Variants in TBC1D12 observed in about 807,000 individuals in gnomAD.
TBC1D12 encodes the protein TBC1 domain family, member 12.
In TBC1D12, 56 loss-of-function variants were observed where a neutral mutation model predicts 86.7. The observed-to-expected ratio is 0.65, with a 90% CI of 0.52 to 0.81. The LOEUF (loss-of-function observed/expected upper bound fraction) is 0.81, where lower values mean the gene tolerates loss of function less well. Among genes scored for constraint, TBC1D12 ranks in the 30% least tolerant of loss-of-function variants. The pLI, the probability that TBC1D12 is intolerant of heterozygous loss-of-function variation, is 0.00. For missense variants in TBC1D12, 1,023 were observed against 1,038.8 expected, an observed-to-expected ratio of 0.98 and a Z score of 0.21; for synonymous variants, 421 against 411.7, an observed-to-expected ratio of 1.02 and a Z score of -0.27.
chr10:94,416,408 A>G (rs1226094915), intron 1 of TBC1D12, among the ~76,000 whole-genome samples: 1 of 152,198 alleles, frequency 6.6e-6, no homozygotes, highest in Admixed American at 6.5e-5. Flanking sequence ...TTCTATGTTG[A>G]AGTACAGTGT....
At chr10:94,464,881 ATCTC>A (rs1293741915) in intron 2 of TBC1D12, among the ~76,000 whole-genome samples, 3 of 152,212 alleles carry the variant, frequency 2.0e-5, no homozygotes, top group African/African-American at 7.2e-5. Context: ...ATTTTTGCAG[ATCTC>A]TTTAATGTAT....
chr10:94,427,390 A>G (rs769390741), intron 1 of TBC1D12, among the ~76,000 whole-genome samples: 3 of 152,222 alleles, frequency 2.0e-5, no homozygotes, highest in Non-Finnish European at 4.4e-5. Flanking sequence ...AGATACTACC[A>G]TTGGTCCTAA....
rs1322508213 is a variant in TBC1D12, at chr10:94,514,209, C to G, written c.1761+2555C>G. On this transcript the variant is annotated intron_variant, in intron 9 of 12. Coordinates refer to ENST00000225235, the MANE Select transcript of TBC1D12 (RefSeq NM_015188.2). The stretch of plus-strand genomic sequence containing the variant: ...TGAGCAACACAGTGAGACCTCATCT[C>G]TGCAAATAATAAAAAATTAGCCAGG... Among the ~76,000 whole-genome samples the G allele has an allele frequency of 1.3e-4, 20 of 152,022 alleles. 1 individual carries two copies. The highest frequency in any genetic ancestry group is 1.3e-3 in the Admixed American group (20 of 15,270).
intron 2 of TBC1D12, among the ~76,000 whole-genome samples, chr10:94,466,768 A>G (rs1156339269): frequency 6.6e-6 from 1 of 152,210 alleles, no homozygotes; most frequent in African/African-American, 2.4e-5. Context: ...TGACTTTGGT[A>G]GATTACTATT....
intron 9 of TBC1D12, among the ~76,000 whole-genome samples, chr10:94,521,081 C>T (rs929078101): frequency 6.6e-6 from 1 of 151,390 alleles, no homozygotes. Flanking sequence ...CGTGGTGGTA[C>T]ACACCCATAG....
chr10:94,423,854 G>A (rs1250542332), intron 1 of TBC1D12, among the ~76,000 whole-genome samples: 1 of 152,102 alleles, frequency 6.6e-6, no homozygotes, highest in Non-Finnish European at 1.5e-5. Flanking sequence ...GTGGGAGTAG[G>A]TTGTAGGCAT....
In TBC1D12 at chr10:94,403,374, A is replaced by G; in HGVS notation, c.761A>G (p.Glu254Gly). The G allele has an allele frequency of 6.5e-7, 1 of 1,532,756 alleles. No homozygotes were observed. Among genetic ancestry groups the G allele is most frequent in the Non-Finnish European group, 8.8e-7 (1 of 1,140,354 alleles). 94.9% of individuals were successfully genotyped at this position (1,532,756 alleles called of 1,614,324 possible). ...EEGAPPATSAERTNGGAEPRL... is the reference protein window; with the variant it reads ...EEGAPPATSAGRTNGGAEPRL... ...GGCGCGCCCCCTGCCACCTCGGCCG[A>G]GAGGACTAATGGGGGTGCGGAGCCG... The change falls in exon 1 of 13, where the codon GAG becomes GGG. Residue 254 changes from glutamate (E) to glycine (G), a missense_variant. Around this residue, in one of 2 missense-constraint regions of TBC1D12, gnomAD observed 628 missense variants for 531.1 expected, o/e 1.18. Coordinates refer to ENST00000225235, the MANE Select transcript of TBC1D12 (RefSeq NM_015188.2).
intron 2 of TBC1D12, among the ~76,000 whole-genome samples, chr10:94,455,937 C>T (rs2055620541): frequency 6.6e-6 from 1 of 151,538 alleles, no homozygotes; most frequent in Non-Finnish European, 1.5e-5. Context: ...GAGCTTAAGA[C>T]TCCATCTCAA....
intron 1 of TBC1D12, among the ~76,000 whole-genome samples, chr10:94,435,685 C>T (rs965922445): frequency 6.6e-6 from 1 of 152,142 alleles, no homozygotes; most frequent in Non-Finnish European, 1.5e-5. Flanking sequence ...GAACTCATTA[C>T]TTTTTATGCT....
At chr10:94,474,831 AAATTT>A in intron 3 of TBC1D12, 48 bp downstream of exon 3, 1 of 1,505,620 alleles carries the variant, frequency 6.6e-7, no homozygotes, top group Non-Finnish European at 9.1e-7. Context: ...TTTTAAAGTT[AAATTT>A]AATTTTGTTC....
chr10:94,502,555 A>C (rs759379100), intron 6 of TBC1D12, among the ~76,000 whole-genome samples: 1 of 151,754 alleles, frequency 6.6e-6, no homozygotes, highest in Non-Finnish European at 1.5e-5. Flanking sequence ...AAAAATCTCA[A>C]AATTAGCCAG....
rs914404605 is a variant in TBC1D12, at chr10:94,535,175, A to G, written c.*2079A>G. The G allele has an allele frequency of 2.6e-5, 4 of 152,192 alleles. No individual in the cohort carries two copies. The highest frequency in any genetic ancestry group is 3.9e-4 in the East Asian group (2 of 5,192). 9.4% of individuals were successfully genotyped at this position (152,192 alleles called of 1,614,324 possible). A position where few individuals can be genotyped will look rare whatever the true frequency, so the allele number is the denominator to read the frequency against. ...TTCGGAACTGCTACTAGAGACATACATGAGGCAGCGAACACATCTTTAGGT... is the reference window on the plus strand; with the variant it reads ...TTCGGAACTGCTACTAGAGACATACGTGAGGCAGCGAACACATCTTTAGGT... On this transcript the variant is annotated 3_prime_UTR_variant, in exon 13 of 13. Coordinates refer to ENST00000225235, the MANE Select transcript of TBC1D12 (RefSeq NM_015188.2).
intron 1 of TBC1D12, among the ~76,000 whole-genome samples, chr10:94,428,230 T>C (rs1435440837): frequency 1.3e-5 from 2 of 151,974 alleles, no homozygotes; most frequent in African/African-American, 4.8e-5. Flanking sequence ...GTTGGTGTAT[T>C]GAATCCTAGG....
Position 94,535,973 on chromosome 10 carries a change from A to G in TBC1D12, c.*2877A>G, listed in dbSNP as rs572343903. On this transcript the variant is annotated 3_prime_UTR_variant, in exon 13 of 13. Transcript: ENST00000225235. ...TCATTACTTTGGGGATATCTGTTTTATTTAACTGCATCTCAAGGAAACAAA... is the reference window on the plus strand; with the variant it reads ...TCATTACTTTGGGGATATCTGTTTTGTTTAACTGCATCTCAAGGAAACAAA... 3 of 152,220 alleles carry G rather than the reference A, an allele frequency of 2.0e-5. No homozygotes were observed. In the South Asian group the frequency reaches 6.2e-4, roughly 32 times the overall value. The allele number at this position is 152,220 out of a possible 1,614,324, so 9.4% of individuals were successfully genotyped here.
chr10:94,459,024 T>G (rs2055677006), intron 2 of TBC1D12, among the ~76,000 whole-genome samples: 1 of 152,164 alleles, frequency 6.6e-6, no homozygotes, highest in Admixed American at 6.5e-5. Context: ...CTGCTTTTAT[T>G]TCTTTATCTG....
At chr10:94,517,704 A>G (rs1318677947) in intron 9 of TBC1D12, among the ~76,000 whole-genome samples, 2 of 152,144 alleles carry the variant, frequency 1.3e-5, no homozygotes, top group African/African-American at 2.4e-5. Flanking sequence ...ATATTGGAAT[A>G]CCTATTTCAT....
In TBC1D12 at chr10:94,517,734, C is replaced by T. The variant is rs1216374842; in HGVS notation, c.1762-4221C>T. Among the ~76,000 whole-genome samples the T allele has an allele frequency of 9.2e-5, 14 of 152,220 alleles. No homozygotes were observed. In the South Asian group the frequency reaches 2.3e-3, roughly 25 times the overall value. ...TTTCATGTCATGATTTGACAAAATA[C>T]GTTTTTAACTATGTTAATGAATAAC... On this transcript the variant is annotated intron_variant, in intron 9 of 12. Transcript: ENST00000225235.
intron 6 of TBC1D12, 89 bp from the exon 7 acceptor site, chr10:94,507,178 C>A: frequency 1.6e-6 from 2 of 1,278,156 alleles, no homozygotes; most frequent in Non-Finnish European, 1.1e-6. Context: ...AGAGACCTGA[C>A]CTGTAATAGG....
intron 9 of TBC1D12, among the ~76,000 whole-genome samples, chr10:94,521,397 A>G (rs984326198): frequency 9.9e-5 from 15 of 151,818 alleles, no homozygotes; most frequent in African/African-American, 2.9e-4. Context: ...AGCTGGTCCT[A>G]TTGTTCCCAT....
Sources: allele counts gnomAD v4.1 joint callset (sites outside exome capture counted in the v4.1 genomes callset), GRCh38; gene constraint gnomAD v4.1.1; regional missense constraint gnomAD v4.1.1; transcripts MANE v1.5; gene names NCBI Gene and HGNC (gene_info 2026-07-23, HGNC 2026-07-21).